FSTL4: variants seen among roughly 807,000 people sequenced by gnomAD.
FSTL4 encodes the protein follistatin-related protein 4.
Under a neutral mutation model 78.2 loss-of-function variants are expected in FSTL4, and 28 were observed. That is an observed-to-expected ratio of 0.36 (90% CI 0.27 to 0.49). The LOEUF (loss-of-function observed/expected upper bound fraction) is 0.49. Among genes scored for constraint, FSTL4 ranks in the 20% least tolerant of loss-of-function variants. FSTL4 has a pLI of 0.98. For synonymous variants in FSTL4, 422 were observed against 440.5 expected (o/e 0.96, Z 0.53); for missense variants, 922 against 1,084.9 (o/e 0.85, Z 2.11).
At chr5:133,732,311 T>C in the FSTL4 span, among the ~76,000 whole-genome samples, 3 of 152,110 alleles carry the variant, frequency 2.0e-5, no homozygotes, top group Non-Finnish European at 4.4e-5. Flanking sequence ...CCGAGGAAGA[T>C]GGCCCTGCAC....
intron 3 of FSTL4, among the ~76,000 whole-genome samples, chr5:133,479,314 G>C (rs1410608054): frequency 6.6e-6 from 1 of 152,224 alleles, no homozygotes; most frequent in Non-Finnish European, 1.5e-5. Context: ...CCTATTTTGA[G>C]TGAATCAACC....
intron 2 of FSTL4, among the ~76,000 whole-genome samples, 179 bp downstream of exon 2, chr5:133,603,679 T>A (rs1760916833): frequency 6.6e-6 from 1 of 152,244 alleles, no homozygotes; most frequent in Non-Finnish European, 1.5e-5. Flanking sequence ...CATCGTGTTA[T>A]CAACCTCTTG....
intron 3 of FSTL4, among the ~76,000 whole-genome samples, chr5:133,563,337 C>T (rs1437072285): frequency 6.6e-6 from 1 of 152,204 alleles, no homozygotes; most frequent in African/African-American, 2.4e-5. Context: ...TACAAACACC[C>T]TTGGATGTGA....
At chr5:133,280,520 GA>G (rs1436031356) in intron 6 of FSTL4, among the ~76,000 whole-genome samples, 4 of 152,272 alleles carry the variant, frequency 2.6e-5, no homozygotes, top group South Asian at 4.2e-4. Context: ...AAGCTGCTCT[GA>G]AAACTGCTCT....
rs529711932 is a variant in FSTL4 at position 133,212,703 on chromosome 5, G to GA, written c.1609-2406dup. On this transcript the variant is annotated intron_variant, in intron 13 of 15. Transcript: ENST00000265342. ...GAGAGAACGAGGCAGCAGAATATAT[G>GA]AAAAAATAGTGGCTGACATTTTTTT... is the stretch of plus-strand genomic sequence containing the variant. Among the ~76,000 whole-genome samples the GA allele has an allele frequency of 2.3e-4, 35 of 152,066 alleles. No individual in the cohort carries two copies. The East Asian group carries it at 6.4e-3, about 28-fold the overall frequency.
At chr5:133,612,862 A>G (rs1761133524), upstream of FSTL4, among the ~76,000 whole-genome samples, 1 of 152,276 alleles carries the variant, frequency 6.6e-6, no homozygotes, top group South Asian at 2.1e-4. This position sits in a 1 kb window ranked among gnomAD's most constrained non-coding sequence, Gnocchi z 6.2. Context: ...CCAGGCGCAC[A>G]GGGGGTCTCT....
intron 6 of FSTL4, among the ~76,000 whole-genome samples, chr5:133,295,441 G>A (rs1369757682): frequency 6.6e-6 from 1 of 152,106 alleles, no homozygotes; most frequent in Non-Finnish European, 1.5e-5. Context: ...CAGACATGCC[G>A]GTTGCTCACG....
At position 133,591,171 on chromosome 5, in the gene FSTL4, C is replaced by T. The variant is rs182764480; in HGVS notation, c.126+12687G>A. Among the ~76,000 whole-genome samples the T allele has an allele frequency of 4.8e-3, 724 of 152,302 alleles. 2 individuals are homozygous for T. The highest frequency in any genetic ancestry group is 7.0e-3 in the Non-Finnish European group (475 of 68,042). The stretch of plus-strand genomic sequence containing the variant: ...GTGGAGGCCAAGCCTGTTTTACAGC[C>T]TGTCTGCAGGGACATCCTAGGAATG... On this transcript the variant is annotated intron_variant, in intron 2 of 15. Transcript: ENST00000265342.
the FSTL4 span, among the ~76,000 whole-genome samples, chr5:133,632,014 G>T: frequency 4.0e-3 from 615 of 152,196 alleles, 3 homozygotes; most frequent in African/African-American, 0.014. Flanking sequence ...GGGGGTTAGG[G>T]GAGGGATACC....
the FSTL4 span, among the ~76,000 whole-genome samples, chr5:133,758,092 A>G: frequency 6.6e-6 from 1 of 152,190 alleles, no homozygotes; most frequent in Non-Finnish European, 1.5e-5. Flanking sequence ...AGTAGCAGCA[A>G]ATACTTATGG....
At chr5:133,311,445 T>G (rs1753782123) in intron 6 of FSTL4, among the ~76,000 whole-genome samples, 1 of 152,184 alleles carries the variant, frequency 6.6e-6, no homozygotes, top group Non-Finnish European at 1.5e-5. Context: ...GAAAGGCCCC[T>G]GCAACCACGT....
At chr5:133,290,982 C>A (rs1753250142) in intron 6 of FSTL4, among the ~76,000 whole-genome samples, 1 of 152,260 alleles carries the variant, frequency 6.6e-6, no homozygotes, top group Non-Finnish European at 1.5e-5. Context: ...ATCTCCCAGC[C>A]CCTCAGTCTC....
chr5:133,244,956 A>T (rs1751990222), intron 7 of FSTL4: 1 of 151,634 alleles, frequency 6.6e-6, no homozygotes, highest in African/African-American at 2.4e-5. Context: ...CCCTCTCTAC[A>T]AAAAAATAAA....
intron 2 of FSTL4, among the ~76,000 whole-genome samples, chr5:133,599,582 C>T (rs1010033781): frequency 2.6e-5 from 4 of 152,146 alleles, no homozygotes; most frequent in Admixed American, 2.0e-4. Context: ...GTATGTAGTA[C>T]GTGACTATGT....
At chr5:133,340,820 A>G (rs1171997624) in intron 4 of FSTL4, among the ~76,000 whole-genome samples, 1 of 152,190 alleles carries the variant, frequency 6.6e-6, no homozygotes, top group Non-Finnish European at 1.5e-5. Flanking sequence ...TAATAAAATG[A>G]GGATGTGGGT....
chr5:133,344,825 T>TA (rs1297878192), intron 4 of FSTL4, among the ~76,000 whole-genome samples: 1 of 152,238 alleles, frequency 6.6e-6, no homozygotes, highest in Admixed American at 6.5e-5. Flanking sequence ...CCAGGTTTCT[T>TA]ACACAGTTGT....
chr5:133,203,789 A>T (rs1750404736), intron 14 of FSTL4, among the ~76,000 whole-genome samples: 1 of 152,160 alleles, frequency 6.6e-6, no homozygotes, highest in African/African-American at 2.4e-5. Flanking sequence ...ACAGGCTGTC[A>T]TTGGTCAATG....
chr5:133,634,019 G>A, the FSTL4 span, among the ~76,000 whole-genome samples: 10 of 152,134 alleles, frequency 6.6e-5, no homozygotes, highest in African/African-American at 2.2e-4. Flanking sequence ...GGTGGTGGGA[G>A]AGTGGCCTTG....
At chr5:133,582,837 C>G (rs256262) in intron 2 of FSTL4, among the ~76,000 whole-genome samples, 68,121 of 151,962 alleles carry the variant, frequency 0.45, 15,752 homozygotes, top group East Asian at 0.61. Flanking sequence ...CCCTGTATGT[C>G]CCTGGGCTAT....
Sources: allele counts gnomAD v4.1 joint callset (sites outside exome capture counted in the v4.1 genomes callset), GRCh38; gene constraint gnomAD v4.1.1; non-coding constraint Gnocchi (gnomAD v3.1); transcripts MANE v1.5; gene names NCBI Gene and HGNC (gene_info 2026-07-23, HGNC 2026-07-21).